Variants in GRID1 observed in about 807,000 individuals in gnomAD.
The protein encoded by GRID1 is glutamate ionotropic receptor delta type subunit 1.
GRID1 carries 28 observed loss-of-function variants against 98.0 expected under a neutral mutation model. That is an observed-to-expected ratio of 0.29 (90% CI 0.21 to 0.39). The LOEUF is 0.39. Among genes scored for constraint, GRID1 ranks in the 10% least tolerant of loss-of-function variants. The pLI, the probability that GRID1 is intolerant of heterozygous loss-of-function variation, is 1.00. For missense variants in GRID1, 1,111 were observed against 1,340.5 expected (o/e 0.83, Z 2.67); for synonymous variants, 553 against 538.5 (o/e 1.03, Z -0.37).
At chr10:86,246,051 G>T (rs967024830) in intron 2 of GRID1, among the ~76,000 whole-genome samples, 6 of 152,256 alleles carry the variant, frequency 3.9e-5, no homozygotes, top group Admixed American at 2.0e-4. Context: ...GGGCCAAGAC[G>T]ACCCAGGGTC....
intron 2 of GRID1, among the ~76,000 whole-genome samples, chr10:86,352,606 C>T (rs1328888401): frequency 6.6e-6 from 1 of 152,180 alleles, no homozygotes; most frequent in Admixed American, 6.5e-5. Flanking sequence ...ATCATGAGGG[C>T]CCCACCCTTA....
chr10:86,312,791 G>T (rs1420651065), intron 2 of GRID1, among the ~76,000 whole-genome samples: 1 of 152,248 alleles, frequency 6.6e-6, no homozygotes, highest in Non-Finnish European at 1.5e-5. Context: ...AGAGCCTGGA[G>T]TGTGTCTTCT....
chr10:86,035,322 A>T (rs1253017050), intron 4 of GRID1, among the ~76,000 whole-genome samples: 2 of 152,214 alleles, frequency 1.3e-5, no homozygotes, highest in Non-Finnish European at 2.9e-5. Flanking sequence ...GTGCTGAATT[A>T]TTTGACTCAA....
intron 2 of GRID1, among the ~76,000 whole-genome samples, chr10:86,332,659 C>A (rs1848163602): frequency 6.6e-6 from 1 of 152,196 alleles, no homozygotes; most frequent in African/African-American, 2.4e-5. Flanking sequence ...TGCCTTCCCA[C>A]AGTGACTCCC....
chr10:86,111,075 T>G (rs1402293051), intron 4 of GRID1, among the ~76,000 whole-genome samples: 1 of 152,236 alleles, frequency 6.6e-6, no homozygotes, highest in Non-Finnish European at 1.5e-5. Flanking sequence ...ACTGCAAGTT[T>G]GTAGCTCAGC....
intron 2 of GRID1, among the ~76,000 whole-genome samples, chr10:86,329,338 A>G (rs1189293808): frequency 6.6e-6 from 1 of 152,188 alleles, no homozygotes; most frequent in East Asian, 1.9e-4. Flanking sequence ...AGGCAAGTGA[A>G]CATGCTGTGG....
intron 13 of GRID1, among the ~76,000 whole-genome samples, chr10:85,633,674 C>T (rs1843000519): frequency 6.6e-6 from 1 of 152,206 alleles, no homozygotes; most frequent in African/African-American, 2.4e-5. Context: ...CCTCTAACTC[C>T]ATTTGTGGCT....
chr10:86,029,140 C>T (rs926063498), intron 4 of GRID1, among the ~76,000 whole-genome samples: 1 of 152,222 alleles, frequency 6.6e-6, no homozygotes, highest in Non-Finnish European at 1.5e-5. Flanking sequence ...AATTGGATTT[C>T]TCAAATTTAA....
intron 4 of GRID1, among the ~76,000 whole-genome samples, chr10:86,034,905 GAT>G (rs1491031793): frequency 1.5e-4 from 6 of 40,152 alleles, no homozygotes; most frequent in Admixed American, 6.3e-4. Context: ...TGGATTGGTG[GAT>G]GGATGGATGG....
At chr10:85,942,509 C>T (rs541219481) in intron 4 of GRID1, among the ~76,000 whole-genome samples, 24 of 152,192 alleles carry the variant, frequency 1.6e-4, no homozygotes, top group Non-Finnish European at 2.8e-4. Context: ...AATGAGAACA[C>T]TCAGATTCTC....
At chr10:86,219,138 G>A (rs1462646898) in intron 2 of GRID1, among the ~76,000 whole-genome samples, 2 of 152,218 alleles carry the variant, frequency 1.3e-5, no homozygotes, top group Non-Finnish European at 2.9e-5. Context: ...GCAGCCCTCT[G>A]TGCCGCTCCC....
intron 8 of GRID1, among the ~76,000 whole-genome samples, chr10:85,774,836 G>C (rs1176111650): frequency 6.6e-6 from 1 of 150,946 alleles, no homozygotes; most frequent in Non-Finnish European, 1.5e-5. Context: ...ACAGGTGCTG[G>C]AGAGGATGTG....
At chr10:86,274,478 T>C (rs1847236823) in intron 2 of GRID1, among the ~76,000 whole-genome samples, 1 of 152,264 alleles carries the variant, frequency 6.6e-6, no homozygotes, top group Admixed American at 6.5e-5. Flanking sequence ...GGAGATGGCA[T>C]TGAATCTATA....
chr10:86,118,941 A>G (rs754259333), intron 4 of GRID1, among the ~76,000 whole-genome samples: 14 of 152,194 alleles, frequency 9.2e-5, no homozygotes, highest in Non-Finnish European at 1.8e-4. Context: ...AAACTATCAC[A>G]TCCAAGAGGT....
chr10:86,245,549 C>T (rs1050541096), intron 2 of GRID1, among the ~76,000 whole-genome samples: 1 of 151,236 alleles, frequency 6.6e-6, no homozygotes, highest in African/African-American at 2.4e-5. Flanking sequence ...CTCTACCATT[C>T]GCTTTACTCC....
In GRID1 at chr10:85,727,852, T is replaced by TC. The variant is rs1437146153; in HGVS notation, c.1533+2_1533+3insG. On this transcript the variant is annotated splice_region_variant and intron_variant, in intron 10 of 15. Coordinates refer to ENST00000327946, the MANE Select transcript of GRID1 (RefSeq NM_017551.3). The stretch of plus-strand genomic sequence containing the variant: ...TCCCCCTGGATCTGCTATGGGGACC[T>TC]ACCTTGCTGATGAGCTCCCCGATCA... 17 of 1,611,764 alleles carry TC rather than the reference T, an allele frequency of 1.1e-5. No homozygotes were observed. In the African/African-American group the frequency reaches 2.1e-4, roughly 20 times the overall value.
intron 4 of GRID1, among the ~76,000 whole-genome samples, chr10:86,087,518 G>C (rs1252107888): frequency 6.6e-6 from 1 of 150,816 alleles, no homozygotes; most frequent in African/African-American, 2.4e-5. Context: ...GTCTGTGTGT[G>C]TGTGTGTGTG....
intron 4 of GRID1, among the ~76,000 whole-genome samples, chr10:86,121,451 TC>T (rs1384660723): frequency 3.1e-5 from 1 of 32,530 alleles, no homozygotes; most frequent in African/African-American, 1.1e-4. Context: ...AACATAATCA[TC>T]ATCATCACCA....
chr10:85,934,092 T>C (rs1292470253), intron 4 of GRID1, among the ~76,000 whole-genome samples: 1 of 152,074 alleles, frequency 6.6e-6, no homozygotes, highest in Non-Finnish European at 1.5e-5. Flanking sequence ...TGGGCTCCAC[T>C]GTGGGGTTAT....
Sources: gnomAD v4.1 joint callset for allele counts (sites outside exome capture counted in the v4.1 genomes callset) on GRCh38, gnomAD v4.1.1 for gene constraint, MANE v1.5 for transcripts, NCBI Gene and HGNC (gene_info 2026-07-23, HGNC 2026-07-21) for gene names.